OPTN: variants seen among roughly 807,000 people sequenced by gnomAD.
OPTN encodes optineurin.
OPTN carries 54 observed loss-of-function variants against 70.4 expected under a neutral mutation model. The ratio of observed to expected loss-of-function variants is 0.77; its 90% confidence interval spans 0.62 to 0.96. The LOEUF (loss-of-function observed/expected upper bound fraction) is 0.96. Among genes scored for constraint, OPTN ranks in the 40% least tolerant of loss-of-function variants. The pLI is 0.00. For synonymous variants in OPTN, 256 were observed against 248.5 expected (o/e 1.03, Z -0.28); for missense variants, 624 against 673.2 (o/e 0.93, Z 0.81).
chr10:13,120,802 A>G lies in OPTN; in HGVS notation c.780-1583A>G, dbSNP rs78092721. 5.3e-3 allele frequency among the ~76,000 whole-genome samples: 807 copies of G among 152,262 alleles called. 7 individuals carry two copies. Among genetic ancestry groups the G allele is most frequent in the African/African-American group, 0.018 (762 of 41,542 alleles). On this transcript the variant is annotated intron_variant, in intron 7 of 14. Transcript: ENST00000378747. Reference sequence around the variant, plus strand: ...TGTATTAGCCCGTTTTCATACTTATATGAAGAACCGCCTGAGACTGGGTAA... The same window carrying G: ...TGTATTAGCCCGTTTTCATACTTATGTGAAGAACCGCCTGAGACTGGGTAA...
At position 13,137,922 on chromosome 10, in the gene OPTN, G is replaced by A. The variant is rs1234663170; in HGVS notation, c.*1056G>A. On this transcript the variant is annotated 3_prime_UTR_variant, in exon 15 of 15. Transcript: ENST00000378747. ...GCTGCCTATTTTCTTCCTAGGTTAG[G>A]TTATATCTTCATAATCACAAGAATT... 4.6e-6 allele frequency: 1 copy of A among 219,040 alleles called. No individual in the cohort carries two copies. Among genetic ancestry groups the A allele is most frequent in the African/African-American group, 2.2e-5 (1 of 44,578 alleles). 13.6% of individuals were successfully genotyped at this position (219,040 alleles called of 1,614,324 possible).
intron 14 of OPTN, among the ~76,000 whole-genome samples, chr10:13,135,686 G>A (rs962450576): frequency 2.0e-5 from 3 of 151,980 alleles, no homozygotes; most frequent in African/African-American, 7.3e-5. Context: ...CAAATGAGAT[G>A]ATTGCCTCTG....
chr10:13,122,579 T>G, intron 8 of OPTN, 92 bp downstream of exon 8: 1 of 846,024 alleles, frequency 1.2e-6, no homozygotes, highest in Non-Finnish European at 2.0e-6. Context: ...GTTATTTGCT[T>G]TAGAAATATA....
Position 13,136,828 on chromosome 10 carries a change from GACACGTT to G in OPTN, c.1700_1706del (p.Thr567ArgfsTer4). On this transcript the variant is annotated frameshift_variant, in exon 15 of 15. Coordinates refer to ENST00000378747, the MANE Select transcript of OPTN (RefSeq NM_001008212.2). LOFTEE classifies it high-confidence loss of function. ...GTGTGGAGAGGTTCTGCCTGACATA[GACACGTT>G]ACAGATTCACGTGATGGATTGCATC... The G allele has an allele frequency of 1.2e-6, 2 of 1,614,178 alleles. No homozygotes were observed. The highest frequency in any genetic ancestry group is 1.7e-6 in the Non-Finnish European group (2 of 1,180,024).
Position 13,137,338 on chromosome 10 carries a change from T to TG in OPTN, c.*473dup. ...GGAAGGAAGGAGAAGAAAAGGTACC[T>TG]GTTCTACGTAGAACACCTTTGGTGG... On this transcript the variant is annotated 3_prime_UTR_variant, in exon 15 of 15. Transcript: ENST00000378747. The TG allele has an allele frequency of 3.4e-6, 1 of 295,632 alleles. No homozygotes were observed. The highest frequency in any genetic ancestry group is 6.4e-6 in the Non-Finnish European group (1 of 155,204). 18.3% of individuals were successfully genotyped at this position (295,632 alleles called of 1,614,324 possible). A position where few individuals can be genotyped will look rare whatever the true frequency, so the allele number is the denominator to read the frequency against.
chr10:13,119,067 G>A (rs966003657), intron 7 of OPTN, 27 bp downstream of exon 7: 1 of 1,608,366 alleles, frequency 6.2e-7, no homozygotes, highest in Non-Finnish European at 8.5e-7. Flanking sequence ...CTTGAAATAT[G>A]TGTTTTTTTA....
intron 5 of OPTN, among the ~76,000 whole-genome samples, chr10:13,114,026 C>T (rs911112576): frequency 5.3e-5 from 8 of 151,872 alleles, no homozygotes; most frequent in Non-Finnish European, 1.0e-4. Flanking sequence ...ATGATTGTGC[C>T]GCTGCACTCC....
At chr10:13,100,462 G>A (rs1285851098) in intron 1 of OPTN, among the ~76,000 whole-genome samples, 160 bp downstream of exon 1, 2 of 152,210 alleles carry the variant, frequency 1.3e-5, no homozygotes, top group African/African-American at 2.4e-5. Flanking sequence ...CCCGCGAGAC[G>A]GCTGCCCTGG....
At chr10:13,123,583 G>C (rs1295062643) in intron 8 of OPTN, among the ~76,000 whole-genome samples, 1 of 152,170 alleles carries the variant, frequency 6.6e-6, no homozygotes, top group Non-Finnish European at 1.5e-5. Context: ...CAGGAAAAAG[G>C]CTGCACAACA....
At chr10:13,107,551 T>G (rs11258190) in intron 1 of OPTN, among the ~76,000 whole-genome samples, 34,265 of 151,140 alleles carry the variant, frequency 0.23, 4,704 homozygotes, top group Middle Eastern at 0.35. Context: ...GCTAATTTTT[T>G]GTATTTTTTT....
At chr10:13,115,479 A>AT (rs1564359908) in intron 5 of OPTN, among the ~76,000 whole-genome samples, 5 of 104,588 alleles carry the variant, frequency 4.8e-5, no homozygotes, top group African/African-American at 9.2e-5. Context: ...GAATATATAT[A>AT]ATATATTCTA....
At chr10:13,134,525 C>T (rs756619875) in intron 14 of OPTN, among the ~76,000 whole-genome samples, 37 of 152,144 alleles carry the variant, frequency 2.4e-4, no homozygotes, top group South Asian at 1.0e-3. Flanking sequence ...CTCCGCCTCC[C>T]GGGTTCAAGC....
At chr10:13,123,714 G>A (rs1272438989) in intron 8 of OPTN, among the ~76,000 whole-genome samples, 2 of 152,206 alleles carry the variant, frequency 1.3e-5, no homozygotes, top group African/African-American at 4.8e-5. Context: ...ACCTGGAATA[G>A]GGTTCATTTT....
At chr10:13,127,650 G>C in intron 11 of OPTN, 95 bp from the exon 12 acceptor site, 1 of 1,362,860 alleles carries the variant, frequency 7.3e-7, no homozygotes, top group Non-Finnish European at 1.0e-6. Context: ...CCCGGCCAGA[G>C]CTGATAATTA....
intron 1 of OPTN, among the ~76,000 whole-genome samples, chr10:13,101,448 T>A (rs1253984084): frequency 4.4e-5 from 5 of 112,610 alleles, no homozygotes; most frequent in Admixed American, 1.4e-4. Context: ...CGAGGGCAAC[T>A]GGACACTGTA....
At chr10:13,114,798 ATAT>A (rs1833097036) in intron 5 of OPTN, among the ~76,000 whole-genome samples, 2 of 83,308 alleles carry the variant, frequency 2.4e-5, no homozygotes, top group Non-Finnish European at 4.4e-5. Context: ...ATATAATTAT[ATAT>A]ACATATATAT....
At chr10:13,114,651 T>C (rs988362646) in intron 5 of OPTN, among the ~76,000 whole-genome samples, 3 of 147,256 alleles carry the variant, frequency 2.0e-5, no homozygotes, top group African/African-American at 5.0e-5. Context: ...AGAAAAAATA[T>C]ATGTATCTAT....
intron 7 of OPTN, among the ~76,000 whole-genome samples, chr10:13,119,804 G>A (rs11258214): frequency 0.048 from 7,378 of 152,188 alleles, 431 homozygotes; most frequent in African/African-American, 0.14. Flanking sequence ...TAGTGACAGC[G>A]ATGTTGAGCA....
chr10:13,115,073 A>T (rs11258204), intron 5 of OPTN, among the ~76,000 whole-genome samples: 59 of 32,912 alleles, frequency 1.8e-3, no homozygotes, highest in African/African-American at 1.4e-3. Flanking sequence ...ATATATATTT[A>T]TATATATAGA....
Sources: gnomAD v4.1 joint callset for allele counts (sites outside exome capture counted in the v4.1 genomes callset) on GRCh38, gnomAD v4.1.1 for gene constraint, MANE v1.5 for transcripts, NCBI Gene and HGNC (gene_info 2026-07-23, HGNC 2026-07-21) for gene names.